DDHD2: variants seen among roughly 807,000 people sequenced by gnomAD.
DDHD2 encodes triacylglycerol hydrolase DDHD2.
Under a neutral mutation model 91.2 loss-of-function variants are expected in DDHD2, and 62 were observed. The ratio of observed to expected loss-of-function variants is 0.68; its 90% confidence interval spans 0.55 to 0.84. The LOEUF (loss-of-function observed/expected upper bound fraction) is 0.84, where lower values mean the gene tolerates loss of function less well. Among genes scored for constraint, DDHD2 ranks in the 40% least tolerant of loss-of-function variants. The pLI, the probability that DDHD2 is intolerant of heterozygous loss-of-function variation, is 0.00. For missense variants in DDHD2, 740 were observed against 846.9 expected (o/e 0.87, Z 1.57); for synonymous variants, 271 against 293.9 (o/e 0.92, Z 0.80).
intron 7 of DDHD2, among the ~76,000 whole-genome samples, chr8:38,243,762 C>T (rs1456447608): frequency 1.3e-5 from 2 of 151,304 alleles, no homozygotes; most frequent in African/African-American, 4.9e-5. Flanking sequence ...CCAAGTACTG[C>T]TGGGACTACA....
At position 38,242,059 on chromosome 8, in the gene DDHD2, A is replaced by T. The variant is rs1006922013; in HGVS notation, c.713-191A>T. Reference sequence around the variant, plus strand: ...ACAGAGCAGTACTCCATCTCAAAAAAAAAAAGTTATTAAAGAAACATCTTT... The same window carrying T: ...ACAGAGCAGTACTCCATCTCAAAAATAAAAAGTTATTAAAGAAACATCTTT... On this transcript the variant is annotated intron_variant, in intron 6 of 17. Coordinates refer to ENST00000397166, the MANE Select transcript of DDHD2 (RefSeq NM_015214.3). 5 of 533,150 alleles carry T rather than the reference A, an allele frequency of 9.4e-6. No individual in the cohort carries two copies. In the South Asian group the frequency reaches 1.0e-4, roughly 11 times the overall value. 33.0% of individuals were successfully genotyped at this position (533,150 alleles called of 1,614,324 possible).
chr8:38,266,308 G>A (rs1260153765), downstream of DDHD2: 1 of 1,611,212 alleles, frequency 6.2e-7, no homozygotes, highest in South Asian at 1.1e-5. Flanking sequence ...ACCAGCAAAT[G>A]CAACTGGAAC....
chr8:38,266,038 T>C, downstream of DDHD2: 1 of 1,051,892 alleles, frequency 9.5e-7, no homozygotes, highest in East Asian at 2.5e-5. Context: ...ACTCATTAAT[T>C]TGTTCATTCA....
chr8:38,232,637 A>G (rs1166257751), intron 1 of DDHD2, among the ~76,000 whole-genome samples: 1 of 152,254 alleles, frequency 6.6e-6, no homozygotes, highest in Non-Finnish European at 1.5e-5. Flanking sequence ...TTCTGCCTTT[A>G]ACTACATTTA....
At chr8:38,247,960 C>A in intron 10 of DDHD2, 125 bp downstream of exon 10, 1 of 749,582 alleles carries the variant, frequency 1.3e-6, no homozygotes, top group Non-Finnish European at 2.0e-6. Flanking sequence ...TGTTCCTTAG[C>A]ATTATTTATT....
chr8:38,248,963 C>T (rs1027407940), intron 10 of DDHD2, among the ~76,000 whole-genome samples: 2 of 138,362 alleles, frequency 1.4e-5, no homozygotes, highest in African/African-American at 2.8e-5. Flanking sequence ...AAAAAAAAAA[C>T]GATGAGTGAC....
intron 1 of DDHD2, chr8:38,268,001 G>C: frequency 1.2e-6 from 2 of 1,613,856 alleles, no homozygotes; most frequent in Non-Finnish European, 1.7e-6. Context: ...CTGTCTAGGA[G>C]GAAAGGTATG....
In DDHD2 at chr8:38,262,291, G is replaced by T. The variant is rs1368641297; in HGVS notation, c.*1718G>T. ...GTTTACTCTTCCTATTGGCAGAATAGGTGCTATTTAAGAGTAAACCAAAGG... is the reference window on the plus strand; with the variant it reads ...GTTTACTCTTCCTATTGGCAGAATATGTGCTATTTAAGAGTAAACCAAAGG... On this transcript the variant is annotated 3_prime_UTR_variant, in exon 18 of 18. Transcript: ENST00000397166. The T allele has an allele frequency of 6.6e-6, 1 of 152,146 alleles. No individual in the cohort carries two copies. The highest frequency in any genetic ancestry group is 2.4e-5 in the African/African-American group (1 of 41,414). The allele number at this position is 152,146 out of a possible 1,614,324, so 9.4% of individuals were successfully genotyped here. A position where few individuals can be genotyped will look rare whatever the true frequency, so the allele number is the denominator to read the frequency against.
intron 1 of DDHD2, among the ~76,000 whole-genome samples, 164 bp from the exon 2 acceptor site, chr8:38,232,823 C>G (rs986245942): frequency 2.0e-5 from 3 of 152,166 alleles, no homozygotes; most frequent in African/African-American, 7.2e-5. Context: ...AAGCTTCCAC[C>G]CATCCAGTTG....
chr8:38,238,165 C>T lies in DDHD2; in HGVS notation c.578C>T (p.Thr193Ile), dbSNP rs767381458. The change falls in exon 5 of 18, where the codon ACT becomes ATT. Residue 193 changes from threonine to isoleucine, a missense_variant. Transcript: ENST00000397166. ...STPTEQGRPR[T>I]VKRGVENISV... ...CCCACGGAGCAGGGTCGACCAAGAA[C>T]TGTGAAGAGAGGAGTTGAGAACATC... 1.2e-6 allele frequency: 2 copies of T among 1,614,064 alleles called. No homozygotes were observed. Among genetic ancestry groups the T allele is most frequent in the South Asian group, 1.1e-5 (1 of 91,066 alleles).
rs113789153 is a variant in DDHD2 at position 38,247,356 on chromosome 8, G to C, written c.1126-357G>C. On this transcript the variant is annotated intron_variant, in intron 9 of 17. Coordinates refer to ENST00000397166, the MANE Select transcript of DDHD2 (RefSeq NM_015214.3). ...AGACTGGTCTTGAACTCCTGACCTTGTGATCCGCCCACCTCGGCCTCCCAA... is the reference window on the plus strand; with the variant it reads ...AGACTGGTCTTGAACTCCTGACCTTCTGATCCGCCCACCTCGGCCTCCCAA... The C allele has an allele frequency of 8.1e-3, 1,268 of 156,706 alleles. 8 individuals are homozygous for C. Among genetic ancestry groups the C allele is most frequent in the African/African-American group, 0.029 (1,211 of 41,508 alleles). 9.7% of individuals were successfully genotyped at this position (156,706 alleles called of 1,614,324 possible).
chr8:38,256,354 G>A (rs1031044457), intron 16 of DDHD2, among the ~76,000 whole-genome samples: 1 of 152,112 alleles, frequency 6.6e-6, no homozygotes, highest in Non-Finnish European at 1.5e-5. Flanking sequence ...CCAGGCTGGA[G>A]TGCAGTGACA....
chr8:38,271,172 ACT>A (rs1315694862), exon 2 of DDHD2: 15 of 152,012 alleles, frequency 9.9e-5, no homozygotes, highest in African/African-American at 3.1e-4. Context: ...TACTGTGAAC[ACT>A]CTCCCATTTG....
intron 16 of DDHD2, chr8:38,255,376 T>TGATA: frequency 2.0e-6 from 1 of 492,058 alleles, no homozygotes; most frequent in Non-Finnish European, 4.0e-6. Flanking sequence ...TGATCTGGCT[T>TGATA]GATAGAAAAG....
chr8:38,252,524 C>T (rs1172129942), intron 13 of DDHD2, among the ~76,000 whole-genome samples, 198 bp from the exon 14 acceptor site: 2 of 151,914 alleles, frequency 1.3e-5, no homozygotes, highest in Non-Finnish European at 2.9e-5. Flanking sequence ...TGCCTGTCAT[C>T]CCAGCACTTT....
chr8:38,268,311 C>G (rs1481400581), intron 1 of DDHD2: 7 of 1,449,596 alleles, frequency 4.8e-6, no homozygotes, highest in Non-Finnish European at 6.6e-6. Flanking sequence ...TGGCTGAATC[C>G]CACAACGACC....
chr8:38,246,013 A>T, intron 8 of DDHD2, 63 bp downstream of exon 8: 2 of 1,474,872 alleles, frequency 1.4e-6, no homozygotes, highest in Non-Finnish European at 1.9e-6. Flanking sequence ...CCTGTTTTTG[A>T]AGCACAATGT....
intron 3 of DDHD2, among the ~76,000 whole-genome samples, chr8:38,236,356 T>G (rs898832781): frequency 2.0e-5 from 3 of 149,200 alleles, no homozygotes; most frequent in African/African-American, 7.4e-5. Context: ...TTTGTTTTTG[T>G]TTTTGTTTTT....
At chr8:38,253,472 A>G in intron 15 of DDHD2, 84 bp from the exon 16 acceptor site, 1 of 1,210,564 alleles carries the variant, frequency 8.3e-7, no homozygotes, top group Non-Finnish European at 1.2e-6. Flanking sequence ...TTCTCTGGTA[A>G]ACTTGGAGTG....
Sources: gnomAD v4.1 joint callset for allele counts (sites outside exome capture counted in the v4.1 genomes callset) on GRCh38, gnomAD v4.1.1 for gene constraint, MANE v1.5 for transcripts, NCBI Gene and HGNC (gene_info 2026-07-23, HGNC 2026-07-21) for gene names.